The following HYAL1 variants were observed in gnomAD, a reference collection of about 807,000 sequenced individuals.
HYAL1 encodes the protein hyaluronidase-1.
HYAL1 carries 21 observed loss-of-function variants against 28.8 expected under a neutral mutation model. The ratio of observed to expected loss-of-function variants is 0.73; its 90% confidence interval spans 0.52 to 1.05. The LOEUF (loss-of-function observed/expected upper bound fraction) is 1.05. Among genes scored for constraint, HYAL1 ranks in the 50% least tolerant of loss-of-function variants. The pLI is 0.00. For synonymous variants in HYAL1, 200 were observed against 230.1 expected (o/e 0.87, Z 1.18); for missense variants, 491 against 579.2 (o/e 0.85, Z 1.56).
chr3:50,310,581 C>CT (rs1221892755), intron 1 of HYAL1, among the ~76,000 whole-genome samples: 55 of 140,294 alleles, frequency 3.9e-4, no homozygotes, highest in Admixed American at 1.2e-3. Context: ...GGTTTCTTTT[C>CT]TTTTTTTTTT....
Position 50,302,344 on chromosome 3 carries a change from G to A in HYAL1, c.613C>T (p.Pro205Ser). 1 of 1,613,600 alleles carries A rather than the reference G, an allele frequency of 6.2e-7. No individual in the cohort carries two copies. The highest frequency in any genetic ancestry group is 1.1e-5 in the South Asian group (1 of 91,088). The part of the protein sequence containing the change: ...PRGLWGFYGF[P>S]DCYNYDFLSP... ...AGAAAGTCATAGTTGTAGCAGTCAG[G>A]GAAGCCATAGAAGCCCCAGAGGCCG... The change falls in exon 2 of 4, where the codon CCT (proline) becomes TCT (serine). Residue 205 changes from proline (P) to serine (S), a missense_variant. Physicochemically the swap from Pro to Ser is moderately conservative, Grantham distance 74 (BLOSUM62 -1). Coordinates refer to ENST00000395144, the MANE Select transcript of HYAL1 (RefSeq NM_033159.4). This position sits in a 1 kb window ranked among gnomAD's most constrained non-coding sequence, Gnocchi z 5.0.
chr3:50,301,655 A>G (rs1268083591), intron 2 of HYAL1, among the ~76,000 whole-genome samples: 1 of 148,818 alleles, frequency 6.7e-6, no homozygotes, highest in Non-Finnish European at 1.5e-5. Flanking sequence ...ATGGATGAAA[A>G]TGTCCCAAGG....
chr3:50,301,305 C>T (rs989592629), intron 2 of HYAL1, among the ~76,000 whole-genome samples: 1 of 152,208 alleles, frequency 6.6e-6, no homozygotes, highest in Non-Finnish European at 1.5e-5. Flanking sequence ...AACTTGGCAC[C>T]AAGTGCACAC....
intron 3 of HYAL1, 60 bp from the exon 4 acceptor site, chr3:50,300,860 G>A (rs761488636): frequency 3.3e-5 from 51 of 1,562,168 alleles, no homozygotes; most frequent in Non-Finnish European, 3.3e-5. Context: ...CCCACCCAGG[G>A]CACTGAGGCA....
Position 50,300,577 on chromosome 3 carries a change from G to A in HYAL1, c.1214C>T (p.Ser405Leu), listed in dbSNP as rs782087482. 1 of 1,614,242 alleles carries A rather than the reference G, an allele frequency of 6.2e-7. No individual in the cohort carries two copies. Among genetic ancestry groups the A allele is most frequent in the Non-Finnish European group, 8.5e-7 (1 of 1,180,034 alleles). ...AGCCATCTGTGCCTGATCTTCAAGT[G>A]AGAGGGCACCCCGCAGGCTCAGGGG... ...GGPLSLRGAL[S>L]LEDQAQMAVE... is the part of the protein sequence containing the mutation. Residue 405 changes from serine to leucine, a missense_variant, in exon 4 of 4, where the codon TCA becomes TTA. By Grantham distance (145) the Ser-to-Leu change is moderately radical. Coordinates refer to ENST00000395144, the MANE Select transcript of HYAL1 (RefSeq NM_033159.4).
upstream of HYAL1, among the ~76,000 whole-genome samples, chr3:50,304,961 G>C (rs1220738789): frequency 6.6e-6 from 1 of 152,200 alleles, no homozygotes; most frequent in Non-Finnish European, 1.5e-5. Flanking sequence ...TTCATTTGTG[G>C]TTTCACTTGT....
At chr3:50,307,490 C>T (rs993687327), upstream of HYAL1, among the ~76,000 whole-genome samples, 2 of 150,456 alleles carry the variant, frequency 1.3e-5, no homozygotes, top group Admixed American at 6.6e-5. Flanking sequence ...ACCATCCTGG[C>T]TAACATGGTG....
chr3:50,301,279 C>A (rs1369293834), intron 2 of HYAL1, among the ~76,000 whole-genome samples: 4 of 152,318 alleles, frequency 2.6e-5, no homozygotes, highest in Admixed American at 6.5e-5. Context: ...TGTTGAATTG[C>A]CTGTGCCTGG....
chr3:50,302,958 G>A lies in HYAL1; in HGVS notation c.-2C>T. ...GATGGGAAGCAGGTGGGCTGCCATGGCACGGGACTGGTCGAGGACAACCTG... is the reference window on the plus strand; with the variant it reads ...GATGGGAAGCAGGTGGGCTGCCATGACACGGGACTGGTCGAGGACAACCTG... On this transcript the variant is annotated 5_prime_UTR_variant, in exon 2 of 4. Coordinates refer to ENST00000395144, the MANE Select transcript of HYAL1 (RefSeq NM_033159.4). This position sits in a 1 kb window ranked among gnomAD's most constrained non-coding sequence, Gnocchi z 5.0. The A allele has an allele frequency of 6.4e-7, 1 of 1,559,476 alleles. No homozygotes were observed. Among genetic ancestry groups the A allele is most frequent in the Non-Finnish European group, 8.7e-7 (1 of 1,150,232 alleles).
At chr3:50,308,055 G>C (rs1702373285), upstream of HYAL1, among the ~76,000 whole-genome samples, 1 of 151,096 alleles carries the variant, frequency 6.6e-6, no homozygotes, top group Non-Finnish European at 1.5e-5. Flanking sequence ...TCGGCCTCCA[G>C]AAGTGCTGAG....
upstream of HYAL1, among the ~76,000 whole-genome samples, chr3:50,308,016 T>C (rs1240635093): frequency 6.6e-6 from 1 of 151,124 alleles, no homozygotes; most frequent in East Asian, 1.9e-4. Flanking sequence ...AGGATGGTCT[T>C]GATCTCCTGA....
At chr3:50,309,152 A>G (rs928225320) in intron 2 of HYAL1, among the ~76,000 whole-genome samples, 1 of 151,002 alleles carries the variant, frequency 6.6e-6, no homozygotes. Flanking sequence ...CAATACAGTT[A>G]TTTGCATAAG....
chr3:50,301,541 C>T (rs782726673), intron 2 of HYAL1, among the ~76,000 whole-genome samples: 19 of 149,916 alleles, frequency 1.3e-4, no homozygotes, highest in East Asian at 3.9e-4. Context: ...CACTTGAATC[C>T]GGAAGGTGGA....
chr3:50,309,192 G>A (rs1279221299), intron 2 of HYAL1, among the ~76,000 whole-genome samples: 2 of 151,042 alleles, frequency 1.3e-5, no homozygotes, highest in Non-Finnish European at 2.9e-5. Flanking sequence ...TGCCTGGCAT[G>A]GTGGCTCACT....
chr3:50,311,319 A>G (rs1234738537), intron 1 of HYAL1, among the ~76,000 whole-genome samples: 1 of 112,484 alleles, frequency 8.9e-6, no homozygotes. Context: ...CGGGGGGCTG[A>G]CCCCCCCACC....
upstream of HYAL1, among the ~76,000 whole-genome samples, chr3:50,304,975 A>G (rs1291789574): frequency 6.6e-6 from 1 of 152,196 alleles, no homozygotes; most frequent in Non-Finnish European, 1.5e-5. Flanking sequence ...CACTTGTTCA[A>G]TATGTGAAAG....
intron 1 of HYAL1, among the ~76,000 whole-genome samples, chr3:50,310,320 A>G (rs1702420389): frequency 7.1e-6 from 1 of 141,380 alleles, no homozygotes; most frequent in Non-Finnish European, 1.5e-5. Context: ...GCTGGAGTGC[A>G]GTGGCAGGGT....
chr3:50,301,530 T>C (rs1702159271), intron 2 of HYAL1, among the ~76,000 whole-genome samples: 1 of 149,156 alleles, frequency 6.7e-6, no homozygotes, highest in Non-Finnish European at 1.5e-5. Context: ...GGCAGGAGAA[T>C]CACTTGAATC....
chr3:50,307,795 A>T (rs377621807), upstream of HYAL1, among the ~76,000 whole-genome samples: 7 of 150,258 alleles, frequency 4.7e-5, no homozygotes, highest in African/African-American at 1.8e-4. Flanking sequence ...AAAAACCCAA[A>T]AACTTTTTTT....
Sources: allele counts gnomAD v4.1 joint callset (sites outside exome capture counted in the v4.1 genomes callset), GRCh38; gene constraint gnomAD v4.1.1; non-coding constraint Gnocchi (gnomAD v3.1); transcripts MANE v1.5; gene names NCBI Gene and HGNC (gene_info 2026-07-23, HGNC 2026-07-21).